The following TFDP2 variants were observed in gnomAD, a reference collection of about 807,000 sequenced individuals.
The protein encoded by TFDP2 is transcription factor Dp-2 (E2F dimerization partner 2).
Under a neutral mutation model 59.3 loss-of-function variants are expected in TFDP2, and 17 were observed. The observed-to-expected ratio is 0.29, with a 90% CI of 0.20 to 0.43. The LOEUF is 0.43. TFDP2 is among the 20% of genes least tolerant of loss of function. The pLI, the probability that TFDP2 is intolerant of heterozygous loss-of-function variation, is 1.00. For synonymous variants in TFDP2, 180 were observed against 194.7 expected (o/e 0.92, Z 0.63); for missense variants, 391 against 528.8 (o/e 0.74, Z 2.56).
At chr3:141,959,886 G>T in intron 10 of TFDP2, 46 bp from the exon 11 acceptor site, 1 of 1,592,132 alleles carries the variant, frequency 6.3e-7, no homozygotes, top group Non-Finnish European at 8.6e-7. Context: ...TGCTGGAGAG[G>T]TCTGAATAGT....
intron 3 of TFDP2, among the ~76,000 whole-genome samples, chr3:142,016,997 A>C (rs1402338311): frequency 1.3e-5 from 2 of 151,850 alleles, no homozygotes; most frequent in African/African-American, 2.4e-5. Flanking sequence ...ATGCCAACCA[A>C]ATTTCTACTT....
intron 3 of TFDP2, among the ~76,000 whole-genome samples, chr3:142,038,715 GTCTT>G (rs1314692666): frequency 6.6e-5 from 10 of 151,876 alleles, no homozygotes; most frequent in African/African-American, 1.7e-4. Context: ...CACATATCGA[GTCTT>G]TCTATGATAC....
At chr3:142,063,517 T>C (rs970573349) in intron 3 of TFDP2, among the ~76,000 whole-genome samples, 4 of 152,234 alleles carry the variant, frequency 2.6e-5, no homozygotes, top group African/African-American at 9.6e-5. Flanking sequence ...TAAACATCTA[T>C]GATAAACATC....
intron 3 of TFDP2, among the ~76,000 whole-genome samples, chr3:142,031,977 T>C (rs1254289679): frequency 6.6e-6 from 1 of 152,214 alleles, no homozygotes; most frequent in Admixed American, 6.5e-5. Flanking sequence ...AAGCAAAAAC[T>C]TTCTGCTATC....
At chr3:142,014,508 G>C (rs988214546) in intron 3 of TFDP2, among the ~76,000 whole-genome samples, 2 of 152,134 alleles carry the variant, frequency 1.3e-5, no homozygotes, top group East Asian at 3.9e-4. Context: ...CAGAACACTA[G>C]GCTAAAAGGG....
chr3:142,084,935 T>C (rs1205972419), intron 3 of TFDP2, among the ~76,000 whole-genome samples: 1 of 152,068 alleles, frequency 6.6e-6, no homozygotes, highest in African/African-American at 2.4e-5. Flanking sequence ...TTTTTATTTT[T>C]TTTGAGACAG....
At chr3:142,066,203 A>G (rs2060070092) in intron 3 of TFDP2, among the ~76,000 whole-genome samples, 1 of 152,202 alleles carries the variant, frequency 6.6e-6, no homozygotes, top group African/African-American at 2.4e-5. Context: ...CTTTGCCCAC[A>G]ATATGCTTCT....
In TFDP2 at chr3:142,000,482, A is replaced by C; in HGVS notation, c.186+4959T>G. 6.2e-6 allele frequency: 3 copies of C among 484,608 alleles called. No homozygotes were observed. In the South Asian group the frequency reaches 1.2e-4, roughly 20 times the overall value. 30.0% of individuals were successfully genotyped at this position (484,608 alleles called of 1,614,324 possible). On this transcript the variant is annotated intron_variant, in intron 4 of 12. Coordinates refer to ENST00000489671, the MANE Select transcript of TFDP2 (RefSeq NM_001178139.2). ...AGGCCCCGCCTCTTAATACCACCAC[A>C]GTAGGGATTAGGTTTCAACATGAAT...
At chr3:142,011,045 A>T (rs1482431179) in intron 3 of TFDP2, among the ~76,000 whole-genome samples, 2 of 75,620 alleles carry the variant, frequency 2.6e-5, no homozygotes, top group African/African-American at 1.0e-4. Context: ...TTCCTCAGGG[A>T]TCTAGAACTA....
At chr3:142,131,928 C>T (rs1294047241) in intron 1 of TFDP2, among the ~76,000 whole-genome samples, 1 of 147,682 alleles carries the variant, frequency 6.8e-6, no homozygotes, top group Non-Finnish European at 1.5e-5. Context: ...ATCACTTGAA[C>T]CCGGGAGGCA....
chr3:141,969,011 GATAT>G (rs557027371), intron 9 of TFDP2, among the ~76,000 whole-genome samples: 1 of 70,834 alleles, frequency 1.4e-5, no homozygotes, highest in Admixed American at 1.7e-4. Context: ...CATATATATA[GATAT>G]ATATATAACA....
At chr3:141,992,651 C>G (rs530323814) in intron 6 of TFDP2, among the ~76,000 whole-genome samples, 1 of 152,296 alleles carries the variant, frequency 6.6e-6, no homozygotes, top group African/African-American at 2.4e-5. Context: ...GTGATTGTAT[C>G]TGTTGAAAAC....
chr3:142,052,296 G>C (rs1487370886), intron 3 of TFDP2, among the ~76,000 whole-genome samples: 1 of 152,108 alleles, frequency 6.6e-6, no homozygotes, highest in African/African-American at 2.4e-5. Flanking sequence ...CCAGCACTTT[G>C]GGAGGCCAAG....
intron 6 of TFDP2, among the ~76,000 whole-genome samples, chr3:141,988,094 T>C (rs546068777): frequency 6.2e-4 from 95 of 152,148 alleles, no homozygotes; most frequent in African/African-American, 1.9e-3. Flanking sequence ...TACAGGAGTA[T>C]ACCACCATGC....
chr3:142,148,197 G>C (rs2063241482), intron 1 of TFDP2, among the ~76,000 whole-genome samples: 1 of 151,598 alleles, frequency 6.6e-6, no homozygotes, highest in Non-Finnish European at 1.5e-5. Context: ...GGAAGGAGAA[G>C]GCTGAGCTAA....
At chr3:142,006,343 C>T (rs1944206793) in intron 3 of TFDP2, among the ~76,000 whole-genome samples, 2 of 152,116 alleles carry the variant, frequency 1.3e-5, no homozygotes, top group African/African-American at 4.8e-5. Context: ...GAAAGAAGGC[C>T]AACACTAAAA....
At chr3:142,058,902 CAGAGG>C (rs1226773544) in intron 3 of TFDP2, among the ~76,000 whole-genome samples, 2 of 152,126 alleles carry the variant, frequency 1.3e-5, no homozygotes, top group Non-Finnish European at 2.9e-5. Flanking sequence ...TGCTGGAAGT[CAGAGG>C]TGGGGTTGAA....
At chr3:142,092,529 G>A (rs1035731451) in intron 3 of TFDP2, among the ~76,000 whole-genome samples, 24 of 152,054 alleles carry the variant, frequency 1.6e-4, no homozygotes, top group African/African-American at 5.8e-4. Context: ...ATGTTACCCA[G>A]GCTGGTCTCA....
At chr3:142,088,148 T>C (rs986678986) in intron 3 of TFDP2, among the ~76,000 whole-genome samples, 4 of 151,516 alleles carry the variant, frequency 2.6e-5, no homozygotes, top group Admixed American at 2.0e-4. Flanking sequence ...TGGCACATAG[T>C]AAGTAAGTAC....
Sources: allele counts gnomAD v4.1 joint callset (sites outside exome capture counted in the v4.1 genomes callset), GRCh38; gene constraint gnomAD v4.1.1; transcripts MANE v1.5; gene names NCBI Gene and HGNC (gene_info 2026-07-23, HGNC 2026-07-21).